Variants in CLOCK observed in about 807,000 individuals in gnomAD.
The protein encoded by CLOCK is clock circadian regulator.
In CLOCK, 43 loss-of-function variants were observed where a neutral mutation model predicts 118.4. The ratio of observed to expected loss-of-function variants is 0.36; its 90% CI spans 0.28 to 0.47. The LOEUF (loss-of-function observed/expected upper bound fraction) is 0.47. CLOCK is among the 20% of genes least tolerant of loss of function. The pLI is 1.00. For synonymous variants in CLOCK, 326 were observed against 339.2 expected (o/e 0.96, Z 0.43); for missense variants, 846 against 999.9 (o/e 0.85, Z 2.08).
intron 12 of CLOCK, 39 bp downstream of exon 12, chr4:55,456,179 T>G (rs747073134): frequency 1.4e-6 from 2 of 1,445,034 alleles, no homozygotes; most frequent in South Asian, 1.2e-5. Flanking sequence ...TTATATAACA[T>G]GACTATTACC....
intron 18 of CLOCK, among the ~76,000 whole-genome samples, chr4:55,446,438 G>T (rs1199575801): frequency 6.6e-6 from 1 of 152,062 alleles, no homozygotes; most frequent in East Asian, 1.9e-4. Flanking sequence ...ATCAATTTCT[G>T]TCATCCCTAG....
rs1722782652 is a variant in CLOCK at position 55,435,170 on chromosome 4, T to C, written c.*245A>G. 5.7e-6 allele frequency: 3 copies of C among 524,882 alleles called. No individual in the cohort carries two copies. Among genetic ancestry groups the C allele is most frequent in the African/African-American group, 1.9e-5 (1 of 52,292 alleles). 32.5% of individuals were successfully genotyped at this position (524,882 alleles called of 1,614,324 possible). On this transcript the variant is annotated 3_prime_UTR_variant, in exon 23 of 23. Transcript: ENST00000513440. ...TATATTCTTTTTCCATCAAAAAATA[T>C]CCAGGCACCTAAAACACTGTCAGAA...
At chr4:55,529,207 G>A (rs1388515417) in intron 1 of CLOCK, among the ~76,000 whole-genome samples, 1 of 152,100 alleles carries the variant, frequency 6.6e-6, no homozygotes, top group Non-Finnish European at 1.5e-5. Context: ...TGCCCAGGCA[G>A]GAGTGCAGTG....
In CLOCK at chr4:55,429,404, A is replaced by G. The variant is rs1722372870; in HGVS notation, c.*6011T>C. 6.6e-6 allele frequency: 1 copy of G among 152,158 alleles called. No individual in the cohort carries two copies. The highest frequency in any genetic ancestry group is 2.1e-4 in the South Asian group (1 of 4,820). The allele number at this position is 152,158 out of a possible 1,614,324, so 9.4% of individuals were successfully genotyped here. On this transcript the variant is annotated 3_prime_UTR_variant, in exon 23 of 23. Coordinates refer to ENST00000513440, the MANE Select transcript of CLOCK (RefSeq NM_004898.4). ...GATTCTGTTCCAATGCTTGTGAGCA[A>G]GAAGGATCCTCAAATGTCTAGGTTT... is the stretch of plus-strand genomic sequence containing the variant.
intron 1 of CLOCK, among the ~76,000 whole-genome samples, chr4:55,523,623 A>C (rs1729981587): frequency 6.6e-6 from 1 of 152,198 alleles, no homozygotes; most frequent in Non-Finnish European, 1.5e-5. Flanking sequence ...TCCATGCACG[A>C]ATCTGGAACA....
At chr4:55,444,075 C>A (rs1723592262) in intron 19 of CLOCK, among the ~76,000 whole-genome samples, 179 bp from the exon 20 acceptor site, 1 of 152,164 alleles carries the variant, frequency 6.6e-6, no homozygotes, top group African/African-American at 2.4e-5. Context: ...TATATTCAAT[C>A]TTTCAGTTAT....
chr4:55,516,213 A>G (rs1729505769), intron 1 of CLOCK, among the ~76,000 whole-genome samples: 1 of 152,172 alleles, frequency 6.6e-6, no homozygotes. Context: ...CAATTATATC[A>G]AGTTGTTTGA....
At chr4:55,483,212 G>A (rs1266762281) in intron 3 of CLOCK, among the ~76,000 whole-genome samples, 1 of 152,062 alleles carries the variant, frequency 6.6e-6, no homozygotes, top group South Asian at 2.1e-4. Context: ...AGCAGGCTTT[G>A]GGCACATAAC....
intron 18 of CLOCK, among the ~76,000 whole-genome samples, 178 bp downstream of exon 18, chr4:55,448,601 C>CGCGCGCGTGTGTGTGTGTGTGTGTGT (rs764071880): frequency 8.5e-6 from 1 of 116,980 alleles, no homozygotes; most frequent in Non-Finnish European, 1.8e-5. Flanking sequence ...CGCACGCGCG[C>CGCGCGCGTGTGTGTGTGTGTGTGTGT]GTGTGTGTGT....
chr4:55,496,519 T>C (rs1728098528), intron 2 of CLOCK, among the ~76,000 whole-genome samples: 1 of 152,232 alleles, frequency 6.6e-6, no homozygotes, highest in African/African-American at 2.4e-5. Context: ...TGATAAGCTA[T>C]TCTGTGGCAA....
Position 55,531,901 on chromosome 4 carries a change from T to TAA in CLOCK, c.-290+14879_-290+14880dup, listed in dbSNP as rs35140581. Among the ~76,000 whole-genome samples, 550 of 145,662 alleles carry TAA rather than the reference T, an allele frequency of 3.8e-3. 4 individuals are homozygous for TAA. Among genetic ancestry groups the TAA allele is most frequent in the African/African-American group, 0.01 (404 of 40,216 alleles). The stretch of plus-strand genomic sequence containing the variant: ...TAATGAATAGTGATTTTTTAAATGT[T>TAA]AAAAAAAACAAAAACAAAAACAAAA... On this transcript the variant is annotated intron_variant, in intron 1 of 22. Coordinates refer to ENST00000513440, the MANE Select transcript of CLOCK (RefSeq NM_004898.4).
chr4:55,438,484 C>T lies in CLOCK; in HGVS notation c.2159G>A (p.Cys720Tyr). ...AGTACTAGGTACCATGACTGCCCCA[C>T]AAGCTACAGGAGCAGTCACTAATTT... ...VTKLVTAPVA[C>Y]GAVMVPSTML... The change falls in exon 22 of 23, where the codon TGT (cysteine) becomes TAT (tyrosine). Residue 720 changes from cysteine (C) to tyrosine (Y), a missense_variant. Around this residue, in one of 4 missense-constraint regions of CLOCK, gnomAD observed 520 missense variants for 558.0 expected, o/e 0.93. Coordinates refer to ENST00000513440, the MANE Select transcript of CLOCK (RefSeq NM_004898.4). The T allele has an allele frequency of 1.2e-6, 2 of 1,613,778 alleles. No individual in the cohort carries two copies. Among genetic ancestry groups the T allele is most frequent in the Non-Finnish European group, 8.5e-7 (1 of 1,180,010 alleles).
chr4:55,486,333 A>G (rs1362058276), intron 3 of CLOCK: 2 of 152,138 alleles, frequency 1.3e-5, no homozygotes, highest in Non-Finnish European at 1.5e-5. Context: ...ACCTTCTCAC[A>G]GTAGTATCTC....
Position 55,464,073 on chromosome 4 carries a change from G to A in CLOCK, c.439-268C>T, listed in dbSNP as rs566255505. The stretch of plus-strand genomic sequence containing the variant: ...TGTTCTGAACATTTCAAAATACAAC[G>A]GGACCAAGAGAGTTAATAAGAAAAA... On this transcript the variant is annotated intron_variant, in intron 8 of 22. Coordinates refer to ENST00000513440, the MANE Select transcript of CLOCK (RefSeq NM_004898.4). Among the ~76,000 whole-genome samples the A allele has an allele frequency of 5.3e-5, 8 of 152,188 alleles. No individual in the cohort carries two copies. In the South Asian group the frequency reaches 1.5e-3, roughly 28 times the overall value.
chr4:55,510,576 G>A (rs1428382829), intron 1 of CLOCK, among the ~76,000 whole-genome samples: 4 of 145,378 alleles, frequency 2.8e-5, no homozygotes, highest in Admixed American at 2.1e-4. Context: ...CCAGTGAGCC[G>A]AGATTGCGCC....
chr4:55,467,338 T>C (rs1458043043), intron 8 of CLOCK, among the ~76,000 whole-genome samples: 1 of 152,204 alleles, frequency 6.6e-6, no homozygotes, highest in Non-Finnish European at 1.5e-5. Flanking sequence ...AGGAACTAGC[T>C]AGCTCCTCTG....
intron 9 of CLOCK, among the ~76,000 whole-genome samples, chr4:55,462,604 T>C (rs1330392267): frequency 6.6e-6 from 1 of 152,196 alleles, no homozygotes; most frequent in African/African-American, 2.4e-5. Flanking sequence ...AATTTTTCTC[T>C]CCTTGTTCTA....
At chr4:55,488,505 T>G (rs1346345399) in intron 3 of CLOCK, among the ~76,000 whole-genome samples, 1 of 152,202 alleles carries the variant, frequency 6.6e-6, no homozygotes, top group East Asian at 1.9e-4. Flanking sequence ...TCCCCCAACC[T>G]GATCTCCATA....
chr4:55,522,162 T>C (rs866698595), intron 1 of CLOCK, among the ~76,000 whole-genome samples: 3 of 152,090 alleles, frequency 2.0e-5, no homozygotes, highest in Admixed American at 1.3e-4. Flanking sequence ...GCAAAACATA[T>C]CAATTTTTAG....
Sources: allele counts gnomAD v4.1 joint callset (sites outside exome capture counted in the v4.1 genomes callset), GRCh38; gene constraint gnomAD v4.1.1; regional missense constraint gnomAD v4.1.1; transcripts MANE v1.5; gene names NCBI Gene and HGNC (gene_info 2026-07-23, HGNC 2026-07-21).